TRPM3: variants seen among roughly 807,000 people sequenced by gnomAD.
The protein encoded by TRPM3 is long transient receptor potential channel 3.
In TRPM3, 77 loss-of-function variants were observed where a neutral mutation model predicts 181.2. That is an observed-to-expected ratio of 0.42 (90% CI 0.35 to 0.51). TRPM3 has a LOEUF of 0.51. Ranked by LOEUF, TRPM3 falls within the 20% of genes least tolerant of loss-of-function variation. TRPM3 has a pLI of 0.01. For missense variants in TRPM3, 1,759 were observed against 2,196.7 expected (o/e 0.80, Z 3.98); for synonymous variants, 745 against 796.4 (o/e 0.94, Z 1.09).
intron 1 of TRPM3, among the ~76,000 whole-genome samples, chr9:71,100,104 T>C (rs1340356832): frequency 2.0e-5 from 3 of 152,176 alleles, no homozygotes; most frequent in Non-Finnish European, 2.9e-5. Context: ...TTCTGTTTCA[T>C]CATGTTTTAC....
chr9:71,376,569 A>G (rs2092672128), intron 1 of TRPM3, among the ~76,000 whole-genome samples: 1 of 152,022 alleles, frequency 6.6e-6, no homozygotes, highest in Admixed American at 6.6e-5. Flanking sequence ...GGAATAGGTA[A>G]ATGAGTATAA....
intron 1 of TRPM3, among the ~76,000 whole-genome samples, chr9:71,313,262 A>G (rs978519596): frequency 2.0e-5 from 3 of 152,116 alleles, no homozygotes; most frequent in African/African-American, 7.2e-5. Flanking sequence ...AAAATTTTTT[A>G]AGTACTATCT....
chr9:70,908,195 G>A (rs1277347524), intron 1 of TRPM3, among the ~76,000 whole-genome samples: 4 of 152,116 alleles, frequency 2.6e-5, no homozygotes, highest in Admixed American at 2.6e-4. Context: ...TATGAGCAGA[G>A]GCTCCCAGGA....
intron 1 of TRPM3, among the ~76,000 whole-genome samples, chr9:70,903,949 T>TA (rs543867333): frequency 1.1e-3 from 157 of 146,180 alleles, no homozygotes; most frequent in Middle Eastern, 3.5e-3. Flanking sequence ...TTTTTTAAAA[T>TA]AAAAAAAAAA....
chr9:71,134,255 A>G (rs1390886864), intron 1 of TRPM3, among the ~76,000 whole-genome samples: 1 of 152,086 alleles, frequency 6.6e-6, no homozygotes, highest in Admixed American at 6.5e-5. Flanking sequence ...GTGGCTTCAT[A>G]TTTCCAAATA....
At chr9:71,048,904 A>G (rs1423572582) in intron 1 of TRPM3, among the ~76,000 whole-genome samples, 2 of 152,210 alleles carry the variant, frequency 1.3e-5, no homozygotes, top group Non-Finnish European at 2.9e-5. Context: ...GAAAAGGGAC[A>G]TGATTTCTCA....
At chr9:70,587,807 C>A (rs2057391888) in intron 22 of TRPM3, among the ~76,000 whole-genome samples, 1 of 152,194 alleles carries the variant, frequency 6.6e-6, no homozygotes, top group Non-Finnish European at 1.5e-5. Context: ...ATATAGCAAA[C>A]ACGTGAAGAC....
At chr9:70,868,041 T>C (rs1025327886) in intron 1 of TRPM3, among the ~76,000 whole-genome samples, 1 of 152,124 alleles carries the variant, frequency 6.6e-6, no homozygotes, top group Non-Finnish European at 1.5e-5. Flanking sequence ...TCTTCTTTAA[T>C]ACAAAACTTT....
intron 1 of TRPM3, among the ~76,000 whole-genome samples, chr9:71,178,744 T>C (rs2077239249): frequency 6.6e-6 from 1 of 152,130 alleles, no homozygotes; most frequent in African/African-American, 2.4e-5. Context: ...ATTCATTCCA[T>C]TCTGAGAGTA....
At chr9:71,219,449 T>C (rs559807929) in intron 1 of TRPM3, among the ~76,000 whole-genome samples, 220 of 152,304 alleles carry the variant, frequency 1.4e-3, no homozygotes, top group African/African-American at 5.1e-3. Context: ...ACTAGCCTAG[T>C]CATTTAAAGA....
rs112627939 is a variant in TRPM3 at position 71,150,960 on chromosome 9, G to A, written c.184-286449C>T. On this transcript the variant is annotated intron_variant, in intron 1 of 24. Transcript: ENST00000357533. ...TAGGAGTTTGGTTTATGATATAAGT[G>A]GCATGCTGAATCAGCAGAAGAGATT... 8.3e-4 allele frequency among the ~76,000 whole-genome samples: 126 copies of A among 152,210 alleles called. 1 individual carries two copies. The highest frequency in any genetic ancestry group is 2.4e-3 in the African/African-American group (98 of 41,524).
At chr9:71,446,379 T>G (rs947046382) in intron 1 of TRPM3, among the ~76,000 whole-genome samples, 1 of 152,196 alleles carries the variant, frequency 6.6e-6, no homozygotes, top group African/African-American at 2.4e-5. Flanking sequence ...AAAACTCTTA[T>G]GATCTAACAG....
rs75384424 is a variant in TRPM3, at chr9:71,104,677, A to C, written c.177+16501T>G. Among the ~76,000 whole-genome samples, 753 of 152,244 alleles carry C rather than the reference A, an allele frequency of 4.9e-3. 19 individuals are homozygous for C. In the East Asian group the frequency reaches 0.078, roughly 16 times the overall value. On this transcript the variant is annotated intron_variant, in intron 1 of 25. Coordinates refer to ENST00000677713, the MANE Select transcript of TRPM3 (RefSeq NM_001366145.2). ...TTAATTTTCTTCCTCTCTTTGCTCA[A>C]CTTTACCCGTTAAGTTTTTTTTGCT...
intron 8 of TRPM3, among the ~76,000 whole-genome samples, chr9:70,693,138 T>C (rs769219227): frequency 6.6e-6 from 1 of 152,224 alleles, no homozygotes. Context: ...TGGAACTAGA[T>C]GACAACGTGT....
intron 1 of TRPM3, among the ~76,000 whole-genome samples, chr9:71,129,928 G>A (rs1010915607): frequency 6.6e-6 from 1 of 152,100 alleles, no homozygotes; most frequent in Non-Finnish European, 1.5e-5. Context: ...GTTGAGATAA[G>A]GATTGTCTGT....
At chr9:70,774,008 C>T (rs2130646675) in intron 7 of TRPM3, 1 of 152,278 alleles carries the variant, frequency 6.6e-6, no homozygotes, top group East Asian at 1.9e-4. Context: ...CCTATCTTTG[C>T]CTCAGCAGAC....
At chr9:70,901,444 CTTTT>C (rs970206848) in intron 1 of TRPM3, among the ~76,000 whole-genome samples, 1 of 146,458 alleles carries the variant, frequency 6.8e-6, no homozygotes, top group Non-Finnish European at 1.5e-5. Flanking sequence ...TAACAGTTAA[CTTTT>C]TTTTTTTTAA....
At chr9:71,049,008 C>T (rs1344434421) in intron 1 of TRPM3, among the ~76,000 whole-genome samples, 9 of 152,308 alleles carry the variant, frequency 5.9e-5, no homozygotes, top group Non-Finnish European at 2.9e-5. Flanking sequence ...AACTCACATT[C>T]TTAAATGTTA....
chr9:71,136,540 T>G (rs2074777525), intron 1 of TRPM3, among the ~76,000 whole-genome samples: 2 of 152,188 alleles, frequency 1.3e-5, no homozygotes, highest in Admixed American at 1.3e-4. Flanking sequence ...CATAACACAT[T>G]TAATATCCTC....
Sources: gnomAD v4.1 joint callset for allele counts (sites outside exome capture counted in the v4.1 genomes callset) on GRCh38, gnomAD v4.1.1 for gene constraint, MANE v1.5 for transcripts, NCBI Gene and HGNC (gene_info 2026-07-23, HGNC 2026-07-21) for gene names.